BRCA2: variants seen among roughly 807,000 people sequenced by gnomAD.
The protein encoded by BRCA2 is breast cancer type 2 susceptibility protein.
In BRCA2, 203 loss-of-function variants were observed where a neutral mutation model predicts 276.7. The ratio of observed to expected loss-of-function variants is 0.73; its 90% CI spans 0.65 to 0.82. BRCA2 has a LOEUF of 0.82. Among genes scored for constraint, BRCA2 ranks in the 40% least tolerant of loss-of-function variants. The pLI, the probability that BRCA2 is intolerant of heterozygous loss-of-function variation, is 0.00. For missense variants in BRCA2, 3,920 were observed against 3,915.0 expected, an observed-to-expected ratio of 1.00 and a Z score of -0.03; for synonymous variants, 1,289 against 1,338.4, an observed-to-expected ratio of 0.96 and a Z score of 0.81.
intron 21 of BRCA2, among the ~76,000 whole-genome samples, chr13:32,378,612 A>G (rs1312702847): frequency 1.3e-5 from 2 of 152,310 alleles, no homozygotes; most frequent in Middle Eastern, 3.4e-3. Context: ...ATTAAGATGT[A>G]TAATATCCTA....
intron 8 of BRCA2, 119 bp from the exon 9 acceptor site, chr13:32,330,800 C>A: frequency 1.5e-6 from 1 of 666,384 alleles, no homozygotes. Context: ...AATTTTTGGA[C>A]CTAGGTTGAT....
Position 32,379,993 on chromosome 13 carries a change from T to C in BRCA2, c.9118-14T>C, listed in dbSNP as rs81002815. 1 of 1,614,024 alleles carries C rather than the reference T, an allele frequency of 6.2e-7. No homozygotes were observed. Among genetic ancestry groups the C allele is most frequent in the Non-Finnish European group, 8.5e-7 (1 of 1,179,926 alleles). On this transcript the variant is annotated splice_polypyrimidine_tract_variant and intron_variant, in intron 23 of 26. Transcript: ENST00000380152. ...GAATCTCCATATGTTGAATTTTTGT[T>C]TTGTTTTCTGTAGGTTTCAGATGAA...
At chr13:32,341,235 A>T in intron 11 of BRCA2, 39 bp downstream of exon 11, 1 of 1,612,798 alleles carries the variant, frequency 6.2e-7, no homozygotes, top group East Asian at 2.2e-5. Flanking sequence ...GCCAATCACT[A>T]TTTTTAAAGT....
intron 7 of BRCA2, among the ~76,000 whole-genome samples, chr13:32,327,808 G>C (rs1422740688): frequency 6.8e-6 from 1 of 146,140 alleles, no homozygotes; most frequent in Non-Finnish European, 1.5e-5. Context: ...CTTCTCTGTT[G>C]CCCAGGCTGG....
intron 13 of BRCA2, among the ~76,000 whole-genome samples, chr13:32,350,928 A>G (rs952197088): frequency 1.3e-5 from 2 of 152,064 alleles, no homozygotes; most frequent in Admixed American, 1.3e-4. Flanking sequence ...CGGCTAAAGG[A>G]TTGTAAACAC....
At position 32,336,663 on chromosome 13, in the gene BRCA2, A is replaced by G. The variant is rs1593896607; in HGVS notation, c.2308A>G (p.Ile770Val). The change falls in exon 11 of 27, where the codon ATT (isoleucine) becomes GTT (valine). Residue 770 changes from isoleucine (I) to valine (V), a missense_variant. By Grantham distance (29) the Ile-to-Val change is conservative. This residue lies in a region of BRCA2 where 3,263 missense variants were observed against 3,156.9 expected (regional missense o/e 1.03). Transcript: ENST00000380152. ...TGATCATGAAAATGCCAGCACTCTT[A>G]TTTTAACTCCTACTTCCAAGGATGT... Reference protein sequence around the residue: ...LYDHENASTLILTPTSKDVLS... With the variant: ...LYDHENASTLVLTPTSKDVLS... The G allele has an allele frequency of 2.5e-6, 4 of 1,613,972 alleles. No individual in the cohort carries two copies. In the East Asian group the frequency reaches 8.9e-5, roughly 36 times the overall value.
rs80359425 is a variant in BRCA2, at chr13:32,325,163, TA to T, written c.407del (p.Asn136IlefsTer16). The T allele has an allele frequency of 1.3e-6, 2 of 1,596,068 alleles. No individual in the cohort carries two copies. Among genetic ancestry groups the T allele is most frequent in the Non-Finnish European group, 1.7e-6 (2 of 1,163,948 alleles). Reference protein sequence around the residue: ...DQADDVSCPLLNSCLSESPVV... With the variant: ...DQADDVSCPLXNSCLSESPVV... ...GCAGATGATGTTTCCTGTCCACTTC[TA>T]AATTCTTGTCTTAGTGAAAGGTATG... On this transcript the variant is annotated frameshift_variant, in exon 4 of 27. Transcript: ENST00000380152. LOFTEE classifies it high-confidence loss of function.
intron 13 of BRCA2, among the ~76,000 whole-genome samples, chr13:32,351,283 G>T (rs980054950): frequency 3.3e-5 from 5 of 152,114 alleles, no homozygotes; most frequent in Non-Finnish European, 7.3e-5. Context: ...CCACCAGGAA[G>T]AAGAAACAAC....
intron 9 of BRCA2, among the ~76,000 whole-genome samples, chr13:32,331,514 G>A (rs1238704979): frequency 2.6e-5 from 4 of 152,162 alleles, no homozygotes; most frequent in African/African-American, 9.7e-5. Context: ...AGTGAGCTGT[G>A]TGTGTGCCAC....
At position 32,396,895 on chromosome 13, in the gene BRCA2, T is replaced by G; in HGVS notation, c.9502-3T>G. 1 of 1,614,092 alleles carries G rather than the reference T, an allele frequency of 6.2e-7. No homozygotes were observed. Among genetic ancestry groups the G allele is most frequent in the Non-Finnish European group, 8.5e-7 (1 of 1,179,968 alleles). ...AAAGCAGCTTTTCCACTTATTTTCT[T>G]AGAATATTGACATACTTTGCAATGA... is the stretch of plus-strand genomic sequence containing the variant. On this transcript the variant is annotated splice_region_variant and splice_polypyrimidine_tract_variant and intron_variant, in intron 25 of 26. Transcript: ENST00000380152.
intron 14 of BRCA2, 115 bp downstream of exon 14, chr13:32,355,403 T>A (rs2072686439): frequency 2.5e-6 from 3 of 1,184,744 alleles, no homozygotes; most frequent in Non-Finnish European, 3.6e-6. Flanking sequence ...AAGCCCTTTT[T>A]AATGTTTTAG....
rs1477754012 is a variant in BRCA2, at chr13:32,379,930, G to C, written c.9117+17G>C. 6.2e-7 allele frequency: 1 copy of C among 1,612,826 alleles called. No individual in the cohort carries two copies. The highest frequency in any genetic ancestry group is 1.7e-5 in the Admixed American group (1 of 59,878). On this transcript the variant is annotated intron_variant, in intron 23 of 26. Transcript: ENST00000380152. The stretch of plus-strand genomic sequence containing the variant: ...CAACTACCGGTACAAACCTTTCATT[G>C]TAATTTTTCAGTTTTGATAAGTGCT...
chr13:32,359,222 G>GAAAAAAAAAAA (rs67041705), intron 16 of BRCA2, among the ~76,000 whole-genome samples: 2 of 107,430 alleles, frequency 1.9e-5, no homozygotes, highest in African/African-American at 3.5e-5. Context: ...TCCATCTCAA[G>GAAAAAAAAAAA]AAAAAAAAAA....
rs928831047 is a variant in BRCA2 at position 32,379,361 on chromosome 13, G to T, written c.8799G>T (p.Arg2933Ser). Residue 2933 changes from arginine (R) to serine (S), a missense_variant, in exon 22 of 27, where the codon AGG becomes AGT. Coordinates refer to ENST00000380152, the MANE Select transcript of BRCA2 (RefSeq NM_000059.4). Reference protein sequence around the residue: ...EEQLRALNNHRQMLNDKKQAQ... With the variant: ...EEQLRALNNHSQMLNDKKQAQ... ...AGTTAAGAGCCTTGAATAATCACAG[G>T]CAAATGTTGAATGATAAGAAACAAG... 6.2e-7 allele frequency: 1 copy of T among 1,613,760 alleles called. No individual in the cohort carries two copies. The highest frequency in any genetic ancestry group is 1.1e-5 in the South Asian group (1 of 91,036).
Position 32,385,025 on chromosome 13 carries a change from A to G in BRCA2, c.9256+4880A>G, listed in dbSNP as rs180913415. 53 of 343,914 alleles carry G rather than the reference A, an allele frequency of 1.5e-4. No homozygotes were observed. In the East Asian group the frequency reaches 3.1e-3, roughly 20 times the overall value. The allele number at this position is 343,914 out of a possible 1,614,324, so 21.3% of individuals were successfully genotyped here. On this transcript the variant is annotated intron_variant, in intron 24 of 26. Coordinates refer to ENST00000380152, the MANE Select transcript of BRCA2 (RefSeq NM_000059.4). ...ACCCAGACTTACCTGGACAAGGTAG[A>G]GAACATTTGCAAGAAGTTTTCAAGT... is the stretch of plus-strand genomic sequence containing the variant.
At chr13:32,332,104 T>C (rs2072395759) in intron 9 of BRCA2, among the ~76,000 whole-genome samples, 168 bp from the exon 10 acceptor site, 1 of 152,108 alleles carries the variant, frequency 6.6e-6, no homozygotes, top group Non-Finnish European at 1.5e-5. Context: ...GGAGAAGGGG[T>C]GACTGACCGA....
At chr13:32,359,674 T>G (rs2072725680) in intron 16 of BRCA2, among the ~76,000 whole-genome samples, 1 of 152,250 alleles carries the variant, frequency 6.6e-6, no homozygotes, top group Non-Finnish European at 1.5e-5. Context: ...CTTGCGTATC[T>G]TATATAACAA....
chr13:32,339,309 G>C lies in BRCA2; in HGVS notation c.4954G>C (p.Ala1652Pro), dbSNP rs80358720. Residue 1652 changes from alanine (A) to proline (P), a missense_variant, in exon 11 of 27, where the codon GCA (alanine) becomes CCA (proline). Physicochemically the swap from Ala to Pro is conservative, Grantham distance 27. Around this residue, in one of 2 missense-constraint regions of BRCA2, gnomAD observed 3,263 missense variants for 3,156.9 expected, o/e 1.03. Coordinates refer to ENST00000380152, the MANE Select transcript of BRCA2 (RefSeq NM_000059.4). ...NVEKETAKSP[A>P]TCYTNQSPYS... ...AGAAAAAGAAACAGCAAAAAGTCCT[G>C]CAACTTGTTACACAAATCAGTCCCC... The C allele has an allele frequency of 6.2e-7, 1 of 1,603,358 alleles. No individual in the cohort carries two copies. Among genetic ancestry groups the C allele is most frequent in the South Asian group, 1.1e-5 (1 of 88,610 alleles).
At chr13:32,356,263 T>C (rs1204174640) in intron 14 of BRCA2, among the ~76,000 whole-genome samples, 165 bp from the exon 15 acceptor site, 2 of 151,774 alleles carry the variant, frequency 1.3e-5, no homozygotes, top group Non-Finnish European at 2.9e-5. Context: ...AGAGACAGGG[T>C]TTCTCCATTT....
Sources: gnomAD v4.1 joint callset for allele counts (sites outside exome capture counted in the v4.1 genomes callset) on GRCh38, gnomAD v4.1.1 for gene constraint, gnomAD v4.1.1 regional missense constraint, MANE v1.5 for transcripts, NCBI Gene and HGNC (gene_info 2026-07-23, HGNC 2026-07-21) for gene names.